ADGRL3: variants seen among roughly 807,000 people sequenced by gnomAD.
ADGRL3 encodes adhesion G protein-coupled receptor L3, also known as calcium-independent alpha-latrotoxin receptor 3.
Under a neutral mutation model 153.5 loss-of-function variants are expected in ADGRL3, and 62 were observed. The ratio of observed to expected loss-of-function variants is 0.40; its 90% confidence interval spans 0.33 to 0.50. The LOEUF is 0.50. Among genes scored for constraint, ADGRL3 ranks in the 20% least tolerant of loss-of-function variants. The probability of loss-of-function intolerance (pLI) is 0.47; values close to 1 mark genes in which losing one functional copy is unlikely to be tolerated. For missense variants in ADGRL3, 1,641 were observed against 1,859.4 expected, an observed-to-expected ratio of 0.88 and a Z score of 2.16; for synonymous variants, 710 against 672.5, an observed-to-expected ratio of 1.06 and a Z score of -0.86.
chr4:61,574,322 T>C (rs750764204), intron 4 of ADGRL3, among the ~76,000 whole-genome samples: 40 of 152,068 alleles, frequency 2.6e-4, no homozygotes, highest in Non-Finnish European at 5.0e-4. Flanking sequence ...ATAATTGCAA[T>C]AAGGTATGTG....
intron 4 of ADGRL3, among the ~76,000 whole-genome samples, chr4:61,522,491 A>G (rs75339335): frequency 0.023 from 3,508 of 152,264 alleles, 122 homozygotes; most frequent in African/African-American, 0.078. Context: ...AAAGTTGAAG[A>G]TCCAAGACCA....
chr4:61,456,407 ATATATATAGATATAT>A, intron 2 of ADGRL3, among the ~76,000 whole-genome samples: 1 of 45,422 alleles, frequency 2.2e-5, no homozygotes, highest in Admixed American at 3.1e-4. Context: ...CTATATCTAT[ATATATATAGATATAT>A]CTATATCTAT....
At chr4:61,932,102 G>T (rs1158806083) in intron 13 of ADGRL3, among the ~76,000 whole-genome samples, 1 of 151,690 alleles carries the variant, frequency 6.6e-6, no homozygotes, top group African/African-American at 2.4e-5. Flanking sequence ...AGTCTTTCAG[G>T]TTTTCTGTAT....
At chr4:61,935,773 CAA>C (rs1207671131) in intron 14 of ADGRL3, 148 bp from the exon 15 acceptor site, 4 of 704,822 alleles carry the variant, frequency 5.7e-6, no homozygotes, top group Non-Finnish European at 8.8e-6. Context: ...AAAATACTAA[CAA>C]TATATTTTCT....
At chr4:61,708,612 A>G (rs1273987375) in intron 6 of ADGRL3, among the ~76,000 whole-genome samples, 1 of 151,922 alleles carries the variant, frequency 6.6e-6, no homozygotes. Context: ...TACATAGGTA[A>G]ATGTGTGCTA....
chr4:61,805,112 T>A (rs1334863471), intron 8 of ADGRL3, among the ~76,000 whole-genome samples: 1 of 151,732 alleles, frequency 6.6e-6, no homozygotes, highest in Non-Finnish European at 1.5e-5. Context: ...CATGCCACCA[T>A]GCCCAGCTAA....
intron 2 of ADGRL3, among the ~76,000 whole-genome samples, chr4:61,432,568 C>T (rs1380095550): frequency 2.6e-5 from 1 of 38,366 alleles, no homozygotes; most frequent in Non-Finnish European, 7.4e-5. Context: ...TCTTTTCTTT[C>T]TCTTCCTTTC....
chr4:61,660,952 A>G, intron 5 of ADGRL3, among the ~76,000 whole-genome samples: 1 of 152,148 alleles, frequency 6.6e-6, no homozygotes, highest in South Asian at 2.1e-4. Flanking sequence ...ACTTTTTACT[A>G]TTTTTAAGTA....
intron 25 of ADGRL3, among the ~76,000 whole-genome samples, chr4:62,053,969 A>T (rs946136282): frequency 6.6e-6 from 1 of 151,536 alleles, no homozygotes; most frequent in Non-Finnish European, 1.5e-5. Context: ...GTTTTATTTC[A>T]GCACAAATTC....
rs563836727 is a variant in ADGRL3, at chr4:61,628,960, A to G, written c.473+41520A>G. Among the ~76,000 whole-genome samples, 7 of 152,340 alleles carry G rather than the reference A, an allele frequency of 4.6e-5. No individual in the cohort carries two copies. The East Asian group carries it at 1.4e-3, about 29-fold the overall frequency. On this transcript the variant is annotated intron_variant, in intron 5 of 26. Coordinates refer to ENST00000683033, the MANE Select transcript of ADGRL3 (RefSeq NM_001387552.1). ...TAGCACCTATTTCTACAAAGCAAAT[A>G]CAGCTTCACTTGCATGACAGCCTCC...
intron 2 of ADGRL3, among the ~76,000 whole-genome samples, chr4:61,476,721 A>G (rs1425586684): frequency 6.8e-6 from 1 of 147,992 alleles, no homozygotes; most frequent in East Asian, 2.0e-4. Context: ...AAAAAAAAAA[A>G]AAAAAAAAAA....
At chr4:61,714,190 G>T (rs1024471918) in intron 6 of ADGRL3, among the ~76,000 whole-genome samples, 3 of 127,918 alleles carry the variant, frequency 2.3e-5, no homozygotes, top group Admixed American at 8.4e-5. Context: ...TTTGTTGTTG[G>T]AGAATGAAGA....
chr4:61,413,471 G>T (rs928477248), intron 2 of ADGRL3, among the ~76,000 whole-genome samples: 1 of 152,092 alleles, frequency 6.6e-6, no homozygotes. Context: ...CCTTTTTGGG[G>T]GTTGCATAGA....
At chr4:61,358,338 C>T (rs561385125) in intron 1 of ADGRL3, among the ~76,000 whole-genome samples, 3 of 152,154 alleles carry the variant, frequency 2.0e-5, no homozygotes, top group South Asian at 4.1e-4. Flanking sequence ...TGGCTCACGC[C>T]TGTAAGTCCA....
intron 6 of ADGRL3, among the ~76,000 whole-genome samples, chr4:61,719,303 G>A (rs2096189273): frequency 6.6e-6 from 1 of 152,008 alleles, no homozygotes; most frequent in African/African-American, 2.4e-5. Flanking sequence ...CCATCATAAA[G>A]AGTGGAAAAT....
At chr4:61,945,790 C>T (rs563439517) in intron 15 of ADGRL3, among the ~76,000 whole-genome samples, 11 of 151,920 alleles carry the variant, frequency 7.2e-5, no homozygotes, top group South Asian at 6.2e-4. Context: ...CGCCCTGCTT[C>T]GGCTCGCGCA....
chr4:61,738,837 A>C (rs1428961721), intron 8 of ADGRL3, among the ~76,000 whole-genome samples: 2 of 152,214 alleles, frequency 1.3e-5, no homozygotes, highest in Admixed American at 1.3e-4. Flanking sequence ...ATTTCAATTG[A>C]CTTTTTAAAC....
intron 4 of ADGRL3, among the ~76,000 whole-genome samples, chr4:61,536,241 G>A (rs2152975773): frequency 6.6e-6 from 1 of 152,174 alleles, no homozygotes; most frequent in South Asian, 2.1e-4. Flanking sequence ...TGTGGTCTAA[G>A]ATGATACTTG....
chr4:61,835,051 C>T (rs2097915994), intron 9 of ADGRL3, among the ~76,000 whole-genome samples: 6 of 152,034 alleles, frequency 3.9e-5, no homozygotes, highest in Admixed American at 3.9e-4. Flanking sequence ...TATGTTTTTA[C>T]CTACTTATTA....
Sources: gnomAD v4.1 joint callset for allele counts (sites outside exome capture counted in the v4.1 genomes callset) on GRCh38, gnomAD v4.1.1 for gene constraint, MANE v1.5 for transcripts, NCBI Gene and HGNC (gene_info 2026-07-23, HGNC 2026-07-21) for gene names.